Variants in DYNC2H1 observed in about 807,000 individuals in gnomAD.
The protein encoded by DYNC2H1 is cytoplasmic dynein 2 heavy chain 1.
Under a neutral mutation model 570.0 loss-of-function variants are expected in DYNC2H1, and 410 were observed. The observed-to-expected ratio is 0.72, with a 90% CI of 0.66 to 0.78. The LOEUF (loss-of-function observed/expected upper bound fraction) is 0.78. Among genes scored for constraint, DYNC2H1 ranks in the 30% least tolerant of loss-of-function variants. The pLI is 0.00. For synonymous variants in DYNC2H1, 1,688 were observed against 1,677.6 expected (o/e 1.01, Z -0.15); for missense variants, 4,865 against 5,046.4 (o/e 0.96, Z 1.09).
chr11:103,424,365 G>A (rs1320029912), intron 84 of DYNC2H1, among the ~76,000 whole-genome samples: 3 of 152,048 alleles, frequency 2.0e-5, no homozygotes, highest in South Asian at 2.1e-4. Context: ...TATGGATCAG[G>A]AACAACTTGA....
rs1938455418 is a variant in DYNC2H1, at chr11:103,326,082, C to T, written c.12039+2092C>T. Reference sequence around the variant, plus strand: ...TGGGTGAATTCTTGCTCTTGGTTTCCGGCATCTATTAGCAGAATAATGTTT... The same window carrying T: ...TGGGTGAATTCTTGCTCTTGGTTTCTGGCATCTATTAGCAGAATAATGTTT... On this transcript the variant is annotated intron_variant, in intron 82 of 88. Coordinates refer to ENST00000375735, the MANE Select transcript of DYNC2H1 (RefSeq NM_001377.3). The surrounding 1 kb of genome is among the most constrained non-coding windows in gnomAD (Gnocchi z 6.1). Among the ~76,000 whole-genome samples, 2 of 152,082 alleles carry T rather than the reference C, an allele frequency of 1.3e-5. No individual in the cohort carries two copies. The highest frequency in any genetic ancestry group is 6.6e-5 in the Admixed American group (1 of 15,262).
intron 85 of DYNC2H1, among the ~76,000 whole-genome samples, chr11:103,443,926 T>A (rs1944349025): frequency 6.6e-6 from 1 of 151,878 alleles, no homozygotes; most frequent in African/African-American, 2.4e-5. Context: ...CCTCACAAAA[T>A]GGGAAATATT....
intron 65 of DYNC2H1, among the ~76,000 whole-genome samples, chr11:103,251,464 A>AT (rs1864830972): frequency 6.6e-6 from 1 of 152,170 alleles, no homozygotes; most frequent in East Asian, 1.9e-4. Context: ...AGATACATAT[A>AT]TATCATAAAA....
chr11:103,436,538 C>G (rs950884072), intron 85 of DYNC2H1, among the ~76,000 whole-genome samples: 4 of 102,220 alleles, frequency 3.9e-5, no homozygotes, highest in Non-Finnish European at 7.6e-5. Context: ...GGATTTTCCA[C>G]TGTCTTCCTC....
At position 103,129,346 on chromosome 11, in the gene DYNC2H1, AT is replaced by A. The variant is rs1272185661; in HGVS notation, c.1953+348del. ...CCACCTCCCAATTTTGTAATGTAATATTTTTTTCCTTTTTATTTGTGGTTAT... is the reference window on the plus strand; with the variant it reads ...CCACCTCCCAATTTTGTAATGTAATATTTTTTCCTTTTTATTTGTGGTTAT... On this transcript the variant is annotated intron_variant, in intron 13 of 88. Transcript: ENST00000375735. This position sits in a 1 kb window ranked among gnomAD's most constrained non-coding sequence, Gnocchi z 4.1. Among the ~76,000 whole-genome samples, 1 of 151,784 alleles carries A rather than the reference AT, an allele frequency of 6.6e-6. No homozygotes were observed. The highest frequency in any genetic ancestry group is 1.5e-5 in the Non-Finnish European group (1 of 67,834).
intron 75 of DYNC2H1, among the ~76,000 whole-genome samples, chr11:103,296,040 C>G (rs779815096): frequency 6.6e-6 from 1 of 152,190 alleles, no homozygotes; most frequent in African/African-American, 2.4e-5. Flanking sequence ...TCCTCCCCTA[C>G]GCACACAGAT....
chr11:103,390,481 C>G (rs1772959851), intron 83 of DYNC2H1, among the ~76,000 whole-genome samples: 1 of 152,074 alleles, frequency 6.6e-6, no homozygotes. Context: ...TTAATTGGAG[C>G]ATTTAGCCCA....
At chr11:103,377,535 T>G (rs1026030375) in intron 83 of DYNC2H1, among the ~76,000 whole-genome samples, 1 of 152,152 alleles carries the variant, frequency 6.6e-6, no homozygotes, top group Admixed American at 6.5e-5. Context: ...TTGATTATAA[T>G]TATAGATATT....
intron 88 of DYNC2H1, among the ~76,000 whole-genome samples, chr11:103,470,528 C>T (rs906562164): frequency 4.6e-5 from 7 of 152,146 alleles, no homozygotes; most frequent in South Asian, 2.1e-4. Context: ...CTCATTAACT[C>T]GTCATTTAGC....
intron 38 of DYNC2H1, among the ~76,000 whole-genome samples, chr11:103,178,591 A>C (rs1214072270): frequency 6.6e-6 from 1 of 152,056 alleles, no homozygotes; most frequent in Non-Finnish European, 1.5e-5. Context: ...ACAATTGGTC[A>C]CTATTTTTCC....
chr11:103,251,015 A>G (rs1180204923), intron 65 of DYNC2H1, among the ~76,000 whole-genome samples: 1 of 152,070 alleles, frequency 6.6e-6, no homozygotes, highest in Non-Finnish European at 1.5e-5. Context: ...CTCTTGCTTC[A>G]TTTAATTTTC....
intron 83 of DYNC2H1, among the ~76,000 whole-genome samples, chr11:103,394,748 G>A (rs902204735): frequency 4.6e-5 from 7 of 152,036 alleles, no homozygotes; most frequent in African/African-American, 7.2e-5. Context: ...AAGTAATTGC[G>A]ATGTGGATAC....
chr11:103,365,227 G>T (rs1940848654), intron 83 of DYNC2H1, among the ~76,000 whole-genome samples: 5 of 152,038 alleles, frequency 3.3e-5, no homozygotes, highest in Admixed American at 3.3e-4. Flanking sequence ...TGGGCATGGT[G>T]GCACATTCCT....
intron 82 of DYNC2H1, among the ~76,000 whole-genome samples, chr11:103,352,527 T>G (rs1273278015): frequency 2.0e-5 from 3 of 152,216 alleles, no homozygotes; most frequent in Non-Finnish European, 2.9e-5. Context: ...TGTAGGGGGT[T>G]AATTTTGGTA....
chr11:103,293,665 C>A (rs951596471), intron 75 of DYNC2H1, among the ~76,000 whole-genome samples: 1 of 151,554 alleles, frequency 6.6e-6, no homozygotes, highest in Admixed American at 6.6e-5. Flanking sequence ...CTAATTTATT[C>A]TTCTGCTTGA....
intron 18 of DYNC2H1, 59 bp from the exon 19 acceptor site, chr11:103,147,713 G>C: frequency 2.0e-6 from 2 of 977,528 alleles, no homozygotes; most frequent in Non-Finnish European, 3.2e-6. Context: ...TATTATATGA[G>C]ACTCTTTTCC....
At chr11:103,378,203 ACT>A (rs1182966532) in intron 83 of DYNC2H1, among the ~76,000 whole-genome samples, 6 of 152,042 alleles carry the variant, frequency 3.9e-5, no homozygotes, top group Non-Finnish European at 2.9e-5. Flanking sequence ...ATTTTACCCT[ACT>A]CTCTCCCAAA....
At chr11:103,428,884 T>C (rs1267680849) in intron 84 of DYNC2H1, among the ~76,000 whole-genome samples, 2 of 152,162 alleles carry the variant, frequency 1.3e-5, no homozygotes, top group South Asian at 2.1e-4. Flanking sequence ...CATTCATCCA[T>C]TGATGGATGT....
intron 74 of DYNC2H1, among the ~76,000 whole-genome samples, chr11:103,286,805 C>T (rs984832283): frequency 3.3e-5 from 5 of 151,988 alleles, no homozygotes; most frequent in Non-Finnish European, 5.9e-5. Flanking sequence ...AACTTTTTTG[C>T]TAGTCAAAAA....
Sources: allele counts gnomAD v4.1 joint callset (sites outside exome capture counted in the v4.1 genomes callset), GRCh38; gene constraint gnomAD v4.1.1; non-coding constraint Gnocchi (gnomAD v3.1); transcripts MANE v1.5; gene names NCBI Gene and HGNC (gene_info 2026-07-23, HGNC 2026-07-21).